ERBB4: variants seen among roughly 807,000 people sequenced by gnomAD.
The protein encoded by ERBB4 is erb-b2 receptor tyrosine kinase 4.
ERBB4 carries 42 observed loss-of-function variants against 158.0 expected under a neutral mutation model. The observed-to-expected ratio is 0.27, with a 90% confidence interval of 0.21 to 0.34. The LOEUF is 0.34. Among genes scored for constraint, ERBB4 ranks in the 10% least tolerant of loss-of-function variants. The pLI, the probability that ERBB4 is intolerant of heterozygous loss-of-function variation, is 1.00. For missense variants in ERBB4, 1,333 were observed against 1,624.1 expected, an observed-to-expected ratio of 0.82 and a Z score of 3.08; for synonymous variants, 583 against 558.7, an observed-to-expected ratio of 1.04 and a Z score of -0.61.
intron 20 of ERBB4, among the ~76,000 whole-genome samples, chr2:211,544,312 G>A (rs187791918): frequency 1.3e-5 from 2 of 152,124 alleles, no homozygotes; most frequent in Admixed American, 6.6e-5. Flanking sequence ...TACTTCAAAT[G>A]TTATTGATTA....
chr2:211,611,158 T>G (rs1417225557), intron 19 of ERBB4, among the ~76,000 whole-genome samples: 1 of 152,076 alleles, frequency 6.6e-6, no homozygotes, highest in East Asian at 1.9e-4. Flanking sequence ...AAGGGGACTT[T>G]CCCCTAAGCC....
At chr2:212,051,675 C>G (rs908028984) in intron 2 of ERBB4, among the ~76,000 whole-genome samples, 6 of 152,090 alleles carry the variant, frequency 3.9e-5, no homozygotes, top group African/African-American at 1.4e-4. Context: ...TTATTTTAAA[C>G]TATAATGTGG....
intron 3 of ERBB4, among the ~76,000 whole-genome samples, chr2:211,900,046 T>A (rs1275250901): frequency 6.6e-6 from 1 of 152,112 alleles, no homozygotes; most frequent in Admixed American, 6.6e-5. Context: ...GTAGACAAGG[T>A]GTCTTATGCC....
chr2:211,867,024 C>CAAAAAAAAAAAAAAA lies in ERBB4; in HGVS notation c.422-78880_422-78866dup, dbSNP rs386392490. 9.9e-5 allele frequency among the ~76,000 whole-genome samples: 6 copies of CAAAAAAAAAAAAAAA among 60,624 alleles called. 1 individual carries two copies. The highest frequency in any genetic ancestry group is 2.5e-4 in the Admixed American group (1 of 4,058). 39.8% of individuals were successfully genotyped at this position (60,624 alleles called of 152,430 possible). On this transcript the variant is annotated intron_variant, in intron 3 of 27. Transcript: ENST00000342788. ...TATTAAACTCTCCATTCCTTAAAAC[C>CAAAAAAAAAAAAAAA]AAAAAAAAAAAAAAAAAAAAAAAAA...
chr2:212,192,060 A>T lies in ERBB4; in HGVS notation c.83-67157T>A, dbSNP rs566733429. ...ATGTTATATATATGTTATATGTTAT[A>T]TATGTTATATGTTATATATATTATA... On this transcript the variant is annotated intron_variant, in intron 1 of 27. Transcript: ENST00000342788. Among the ~76,000 whole-genome samples, 59 of 119,844 alleles carry T rather than the reference A, an allele frequency of 4.9e-4. No homozygotes were observed. In the East Asian group the frequency reaches 0.013, roughly 26 times the overall value. The allele number at this position is 119,844 out of a possible 152,430, so 78.6% of individuals were successfully genotyped here. A position where few individuals can be genotyped will look rare whatever the true frequency, so the allele number is the denominator to read the frequency against.
chr2:211,898,786 CT>C (rs2079160361), intron 3 of ERBB4, among the ~76,000 whole-genome samples: 1 of 152,092 alleles, frequency 6.6e-6, no homozygotes, highest in African/African-American at 2.4e-5. Flanking sequence ...ATTACTTTTG[CT>C]GTTGAAACCT....
chr2:212,320,361 TAAG>T (rs2087508584), intron 1 of ERBB4, among the ~76,000 whole-genome samples: 1 of 147,094 alleles, frequency 6.8e-6, no homozygotes, highest in African/African-American at 2.5e-5. Context: ...AGTGAACAAA[TAAG>T]AAATAAAGCA....
chr2:211,608,602 G>A (rs1233810525), intron 19 of ERBB4, among the ~76,000 whole-genome samples: 1 of 152,218 alleles, frequency 6.6e-6, no homozygotes, highest in East Asian at 1.9e-4. Context: ...TGATCTTAAT[G>A]CTACATGTGG....
intron 20 of ERBB4, among the ~76,000 whole-genome samples, chr2:211,516,893 C>G (rs2125629780): frequency 6.6e-6 from 1 of 152,226 alleles, no homozygotes; most frequent in East Asian, 1.9e-4. Flanking sequence ...AGTAATCCTT[C>G]TCAGGCACAG....
intron 1 of ERBB4, among the ~76,000 whole-genome samples, chr2:212,230,542 A>ATTTAAAAT: frequency 6.6e-6 from 1 of 152,192 alleles, no homozygotes; most frequent in Non-Finnish European, 1.5e-5. Flanking sequence ...CCATTTTCGA[A>ATTTAAAAT]GTAATTACTG....
intron 2 of ERBB4, among the ~76,000 whole-genome samples, chr2:212,005,670 G>C (rs1229653613): frequency 1.3e-5 from 2 of 152,192 alleles, no homozygotes; most frequent in African/African-American, 4.8e-5. Flanking sequence ...AAAGCCTCTT[G>C]TAGGAAAGCA....
chr2:211,821,057 G>T (rs1192447272), intron 3 of ERBB4, among the ~76,000 whole-genome samples: 2 of 151,732 alleles, frequency 1.3e-5, no homozygotes, highest in African/African-American at 4.8e-5. Flanking sequence ...GAGTAATTTA[G>T]CAAGAGACAT....
At chr2:211,489,487 C>A (rs2065285160) in intron 20 of ERBB4, among the ~76,000 whole-genome samples, 1 of 151,868 alleles carries the variant, frequency 6.6e-6, no homozygotes, top group South Asian at 2.1e-4. Flanking sequence ...ATACTAAATG[C>A]TGGCTATTAT....
chr2:211,745,485 T>C (rs2074937383), intron 5 of ERBB4, among the ~76,000 whole-genome samples: 1 of 152,102 alleles, frequency 6.6e-6, no homozygotes, highest in Non-Finnish European at 1.5e-5. Flanking sequence ...TGCTCTTCCA[T>C]GTCCCAGCCA....
intron 1 of ERBB4, among the ~76,000 whole-genome samples, chr2:212,181,324 T>C (rs945603644): frequency 5.3e-5 from 8 of 151,694 alleles, no homozygotes; most frequent in African/African-American, 1.9e-4. Flanking sequence ...CTGCCAATAT[T>C]GAATATGTGG....
At chr2:211,987,471 A>G (rs2125245392) in intron 2 of ERBB4, among the ~76,000 whole-genome samples, 1 of 152,046 alleles carries the variant, frequency 6.6e-6, no homozygotes, top group Non-Finnish European at 1.5e-5. Context: ...GATTAACTCA[A>G]TGTTCAGGTT....
intron 1 of ERBB4, among the ~76,000 whole-genome samples, chr2:212,252,746 T>A (rs1261142557): frequency 6.6e-6 from 1 of 152,032 alleles, no homozygotes; most frequent in Non-Finnish European, 1.5e-5. Flanking sequence ...AGACAGGTCA[T>A]CTATAATAAA....
chr2:211,923,744 T>C (rs1402758595), intron 3 of ERBB4, among the ~76,000 whole-genome samples: 1 of 152,060 alleles, frequency 6.6e-6, no homozygotes, highest in Non-Finnish European at 1.5e-5. Context: ...TGTATTGAGA[T>C]GGAATTTTGC....
At chr2:211,956,555 G>C (rs1032216156) in intron 2 of ERBB4, among the ~76,000 whole-genome samples, 1 of 151,834 alleles carries the variant, frequency 6.6e-6, no homozygotes, top group Non-Finnish European at 1.5e-5. Flanking sequence ...TCAATATTAC[G>C]TTCCTCTTCT....
Sources: gnomAD v4.1 joint callset for allele counts (sites outside exome capture counted in the v4.1 genomes callset) on GRCh38, gnomAD v4.1.1 for gene constraint, MANE v1.5 for transcripts, NCBI Gene and HGNC (gene_info 2026-07-23, HGNC 2026-07-21) for gene names.